The following UXS1 variants were observed in gnomAD, a reference collection of about 807,000 sequenced individuals.
UXS1 encodes the protein UDP-glucuronate decarboxylase 1.
UXS1 carries 33 observed loss-of-function variants against 62.6 expected under a neutral mutation model. The observed-to-expected ratio is 0.53, with a 90% confidence interval of 0.40 to 0.70. UXS1 has a LOEUF of 0.70. Ranked by LOEUF, UXS1 falls within the 30% of genes least tolerant of loss-of-function variation. The pLI, the probability that UXS1 is intolerant of heterozygous loss-of-function variation, is 0.00. For synonymous variants in UXS1, 213 were observed against 206.8 expected (o/e 1.03, Z -0.26); for missense variants, 434 against 556.3 (o/e 0.78, Z 2.21).
intron 6 of UXS1, among the ~76,000 whole-genome samples, chr2:106,139,847 T>C (rs368926422): frequency 6.6e-6 from 1 of 152,198 alleles, no homozygotes; most frequent in Non-Finnish European, 1.5e-5. Flanking sequence ...CTTTCTGTGA[T>C]AACTCACGCG....
At chr2:106,105,364 G>A (rs1279174982) in intron 10 of UXS1, among the ~76,000 whole-genome samples, 1 of 150,602 alleles carries the variant, frequency 6.6e-6, no homozygotes, top group Non-Finnish European at 1.5e-5. Context: ...GGAGAGGCAT[G>A]CAGGAGACTC....
chr2:106,166,078 A>C lies in UXS1; in HGVS notation c.100T>G (p.Trp34Gly). 1.2e-6 allele frequency: 2 copies of C among 1,611,412 alleles called. No homozygotes were observed. Among genetic ancestry groups the C allele is most frequent in the Non-Finnish European group, 1.7e-6 (2 of 1,178,918 alleles). Reference protein sequence around the residue: ...IALLAYVASVWGNFVNMSFLL... With the variant: ...IALLAYVASVGGNFVNMSFLL... ...TACCTCATATTAACGAAGTTGCCCC[A>C]AACAGCTGTAAGAGAAAGAAAAAAG... The change falls in exon 2 of 15, where the codon TGG (tryptophan) becomes GGG (glycine). Residue 34 changes from tryptophan to glycine, a missense_variant. By Grantham distance (184) the Trp-to-Gly change is radical (BLOSUM62 -2). This residue lies in a region of UXS1 where 91 missense variants were observed against 71.1 expected (regional missense o/e 1.28). Coordinates refer to ENST00000283148, the MANE Select transcript of UXS1 (RefSeq NM_001253875.2).
At chr2:106,175,831 C>A (rs1031070) in intron 1 of UXS1, among the ~76,000 whole-genome samples, 2,113 of 152,300 alleles carry the variant, frequency 0.014, 57 homozygotes, top group African/African-American at 0.048. Context: ...AATTCCTGAT[C>A]CACCAAGCCC....
intron 7 of UXS1, among the ~76,000 whole-genome samples, chr2:106,126,850 T>TA (rs1680001076): frequency 6.6e-6 from 1 of 152,146 alleles, no homozygotes; most frequent in South Asian, 2.1e-4. Flanking sequence ...ATAAAAGTGA[T>TA]AGAGCATTTC....
intron 6 of UXS1, chr2:106,138,662 G>A: frequency 1.0e-6 from 1 of 985,494 alleles, no homozygotes; most frequent in Non-Finnish European, 1.2e-6. Flanking sequence ...CTGGTTCAGT[G>A]TTTCTTCCTC....
intron 4 of UXS1, among the ~76,000 whole-genome samples, chr2:106,163,172 A>G (rs1275644132): frequency 6.6e-6 from 1 of 152,170 alleles, no homozygotes; most frequent in Non-Finnish European, 1.5e-5. Context: ...TGACTCAAAT[A>G]AACATTTCTA....
chr2:106,111,527 A>G (rs1410278530), intron 10 of UXS1, among the ~76,000 whole-genome samples: 2 of 152,192 alleles, frequency 1.3e-5, no homozygotes, highest in African/African-American at 4.8e-5. Context: ...GGAGACACAC[A>G]CCACGGAGAA....
In UXS1 at chr2:106,120,096, A is replaced by C. The variant is rs573865284; in HGVS notation, c.759+2874T>G. On this transcript the variant is annotated intron_variant, in intron 9 of 14. Transcript: ENST00000283148. Reference sequence around the variant, plus strand: ...ACCCATTCAGAAAAAAGTGGGAATGAGTATTCAGGTACCAATTTTAGGGCC... The same window carrying C: ...ACCCATTCAGAAAAAAGTGGGAATGCGTATTCAGGTACCAATTTTAGGGCC... Among the ~76,000 whole-genome samples, 8 of 152,332 alleles carry C rather than the reference A, an allele frequency of 5.3e-5. No homozygotes were observed. In the East Asian group the frequency reaches 1.5e-3, roughly 29 times the overall value.
chr2:106,189,840 T>C (rs1684804924), intron 1 of UXS1, among the ~76,000 whole-genome samples: 1 of 152,192 alleles, frequency 6.6e-6, no homozygotes, highest in African/African-American at 2.4e-5. Flanking sequence ...AGGCAGAAAA[T>C]ATACTTATGG....
intron 13 of UXS1, 51 bp downstream of exon 13, chr2:106,098,665 G>T: frequency 6.7e-7 from 1 of 1,493,034 alleles, no homozygotes; most frequent in Non-Finnish European, 9.2e-7. Context: ...GTTATTAACA[G>T]ATAGGGCAGG....
At chr2:106,166,176 A>C (rs1477668362) in intron 1 of UXS1, 93 bp from the exon 2 acceptor site, 2 of 1,271,836 alleles carry the variant, frequency 1.6e-6, no homozygotes, top group Non-Finnish European at 2.2e-6. Flanking sequence ...CAATATTTTA[A>C]ATTTTACAAA....
At chr2:106,155,815 T>C (rs1327500414) in intron 5 of UXS1, among the ~76,000 whole-genome samples, 1 of 152,204 alleles carries the variant, frequency 6.6e-6, no homozygotes, top group Non-Finnish European at 1.5e-5. Flanking sequence ...CAATGGGCAA[T>C]GAATAGTCTT....
chr2:106,139,881 C>T (rs1488342307), intron 6 of UXS1, among the ~76,000 whole-genome samples: 1 of 152,124 alleles, frequency 6.6e-6, no homozygotes, highest in African/African-American at 2.4e-5. Context: ...TACTAAATTC[C>T]CATCATAAAA....
intron 12 of UXS1, among the ~76,000 whole-genome samples, chr2:106,099,186 G>C (rs1677378786): frequency 6.6e-6 from 1 of 152,206 alleles, no homozygotes; most frequent in Non-Finnish European, 1.5e-5. Context: ...CAGTGATGAA[G>C]GACTTGTAAT....
chr2:106,105,677 G>C (rs570365610), intron 10 of UXS1, among the ~76,000 whole-genome samples: 1 of 152,220 alleles, frequency 6.6e-6, no homozygotes, highest in African/African-American at 2.4e-5. Flanking sequence ...AGCACGATGT[G>C]AGGTGCGATA....
At chr2:106,179,514 T>C (rs1684109879) in intron 1 of UXS1, 1 of 152,198 alleles carries the variant, frequency 6.6e-6, no homozygotes, top group Non-Finnish European at 1.5e-5. Context: ...CTCTGCAAGT[T>C]CAACATTACA....
chr2:106,115,417 T>C (rs945090760), intron 9 of UXS1, among the ~76,000 whole-genome samples: 10 of 152,354 alleles, frequency 6.6e-5, no homozygotes, highest in Admixed American at 2.6e-4. Context: ...CCTTTGAGCA[T>C]AGACAAAGCT....
intron 13 of UXS1, among the ~76,000 whole-genome samples, chr2:106,097,963 G>A (rs767222819): frequency 1.3e-5 from 2 of 152,250 alleles, no homozygotes; most frequent in Admixed American, 6.5e-5. Context: ...GCCGATGAAT[G>A]GCAGCCTGAT....
intron 7 of UXS1, among the ~76,000 whole-genome samples, chr2:106,127,220 T>G (rs779799307): frequency 2.5e-4 from 38 of 152,242 alleles, no homozygotes; most frequent in Non-Finnish European, 5.3e-4. Flanking sequence ...CAGGTTTTCA[T>G]GTGAACATAA....
Sources: gnomAD v4.1 joint callset for allele counts (sites outside exome capture counted in the v4.1 genomes callset) on GRCh38, gnomAD v4.1.1 for gene constraint, gnomAD v4.1.1 regional missense constraint, MANE v1.5 for transcripts, NCBI Gene and HGNC (gene_info 2026-07-23, HGNC 2026-07-21) for gene names.